Variants in ADAMTS2 observed in about 807,000 individuals in gnomAD.
ADAMTS2 encodes the protein A disintegrin and metalloproteinase with thrombospondin motifs 2.
In ADAMTS2, 50 loss-of-function variants were observed where a neutral mutation model predicts 123.0. The ratio of observed to expected loss-of-function variants is 0.41; its 90% confidence interval spans 0.32 to 0.51. ADAMTS2 has a LOEUF of 0.51. ADAMTS2 is among the 20% of genes least tolerant of loss of function. ADAMTS2 has a pLI of 0.35. For missense variants in ADAMTS2, 1,494 were observed against 1,705.2 expected (o/e 0.88, Z 2.18); for synonymous variants, 678 against 695.4 (o/e 0.98, Z 0.39).
intron 3 of ADAMTS2, among the ~76,000 whole-genome samples, chr5:179,235,382 G>C (rs552857335): frequency 2.6e-5 from 4 of 152,240 alleles, no homozygotes; most frequent in African/African-American, 9.6e-5. Flanking sequence ...GAAATGCTCA[G>C]GGTGTGTGGG....
chr5:179,232,087 AT>A (rs955252835), intron 3 of ADAMTS2, among the ~76,000 whole-genome samples: 2 of 152,234 alleles, frequency 1.3e-5, no homozygotes, highest in Non-Finnish European at 2.9e-5. Flanking sequence ...AATAGAGTGC[AT>A]CTTTTTAAAG....
chr5:179,290,645 G>C (rs2113542901), intron 2 of ADAMTS2, among the ~76,000 whole-genome samples: 1 of 152,308 alleles, frequency 6.6e-6, no homozygotes, highest in South Asian at 2.1e-4. Context: ...TAGATCTAAA[G>C]TTATTTCAAA....
At chr5:179,296,896 C>T (rs549081162) in intron 2 of ADAMTS2, among the ~76,000 whole-genome samples, 3 of 152,264 alleles carry the variant, frequency 2.0e-5, no homozygotes, top group Non-Finnish European at 4.4e-5. Flanking sequence ...TGAGATGGAA[C>T]AAACAAGGCA....
chr5:179,141,714 C>G (rs147260115), intron 10 of ADAMTS2, among the ~76,000 whole-genome samples: 3 of 152,284 alleles, frequency 2.0e-5, no homozygotes, highest in African/African-American at 7.2e-5. Flanking sequence ...TCCAAGCTCC[C>G]GGTCTGAGGC....
intron 2 of ADAMTS2, among the ~76,000 whole-genome samples, chr5:179,283,637 G>A (rs1488728142): frequency 1.3e-5 from 2 of 149,990 alleles, no homozygotes; most frequent in Non-Finnish European, 3.0e-5. Context: ...ATAAATGTAG[G>A]CTGGGCATGA....
intron 2 of ADAMTS2, among the ~76,000 whole-genome samples, chr5:179,321,316 G>A (rs1757166093): frequency 6.6e-6 from 1 of 152,136 alleles, no homozygotes; most frequent in African/African-American, 2.4e-5. Flanking sequence ...CTCCGCAGCT[G>A]ATGTCTGCCC....
intron 4 of ADAMTS2, among the ~76,000 whole-genome samples, chr5:179,200,317 C>T (rs1353221916): frequency 8.2e-5 from 12 of 146,088 alleles, no homozygotes; most frequent in Admixed American, 7.7e-4. Context: ...GGCGTCACCT[C>T]AGCTCACCGC....
chr5:179,304,038 C>T (rs1295241720), intron 2 of ADAMTS2, among the ~76,000 whole-genome samples: 2 of 152,170 alleles, frequency 1.3e-5, no homozygotes, highest in African/African-American at 4.8e-5. Flanking sequence ...TGGGGACTGA[C>T]TTAGGAGGTG....
At chr5:179,217,085 T>C (rs1470237598) in intron 3 of ADAMTS2, among the ~76,000 whole-genome samples, 1 of 152,206 alleles carries the variant, frequency 6.6e-6, no homozygotes, top group African/African-American at 2.4e-5. Context: ...AGCTGCCCCT[T>C]GCAGCATTGC....
rs1372534323 is a variant in ADAMTS2, at chr5:179,272,746, G to C, written c.688+165C>G. ...AGCCCCAGCAGCCCTGCTACGCCCT[G>C]CCGTCAGCCAGGCAGCTGGCCCATT... On this transcript the variant is annotated intron_variant, in intron 3 of 21. Transcript: ENST00000251582. The surrounding 1 kb of genome is among the most constrained non-coding windows in gnomAD (Gnocchi z 5.8). 6.6e-6 allele frequency among the ~76,000 whole-genome samples: 1 copy of C among 152,170 alleles called. No homozygotes were observed. Among genetic ancestry groups the C allele is most frequent in the Non-Finnish European group, 1.5e-5 (1 of 68,026 alleles).
chr5:179,229,230 G>A (rs568232091), intron 3 of ADAMTS2, among the ~76,000 whole-genome samples: 65 of 150,788 alleles, frequency 4.3e-4, no homozygotes, highest in East Asian at 2.0e-3. Context: ...TGACTTGGCC[G>A]TGATCAAAAC....
intron 3 of ADAMTS2, among the ~76,000 whole-genome samples, chr5:179,214,404 T>A (rs1303563885): frequency 6.6e-6 from 1 of 152,188 alleles, no homozygotes; most frequent in African/African-American, 2.4e-5. Flanking sequence ...TACATTCCAC[T>A]CATGGCTCAA....
chr5:179,255,589 G>A (rs1446464773), intron 3 of ADAMTS2, among the ~76,000 whole-genome samples: 5 of 152,112 alleles, frequency 3.3e-5, no homozygotes, highest in Admixed American at 6.5e-5. Context: ...CAATCTTGGG[G>A]TCCCCTCACT....
intron 3 of ADAMTS2, among the ~76,000 whole-genome samples, chr5:179,213,041 C>T (rs1309242377): frequency 6.8e-6 from 1 of 146,416 alleles, no homozygotes; most frequent in African/African-American, 2.5e-5. Context: ...ATGTTCTGCC[C>T]CCATCTGCCT....
At chr5:179,134,672 G>C (rs564699665) in intron 13 of ADAMTS2, among the ~76,000 whole-genome samples, 1 of 152,158 alleles carries the variant, frequency 6.6e-6, no homozygotes, top group African/African-American at 2.4e-5. Context: ...CCAGCCTCCC[G>C]GCCCTGCCGA....
At chr5:179,201,064 T>C (rs904252388) in intron 4 of ADAMTS2, among the ~76,000 whole-genome samples, 2 of 152,210 alleles carry the variant, frequency 1.3e-5, no homozygotes, top group African/African-American at 4.8e-5. Context: ...AAAAAACTTA[T>C]CTCCGTTGTA....
intron 19 of ADAMTS2, among the ~76,000 whole-genome samples, chr5:179,123,602 A>G (rs1417135071): frequency 6.6e-6 from 1 of 151,888 alleles, no homozygotes; most frequent in Non-Finnish European, 1.5e-5. Flanking sequence ...ATTTTTTTTA[A>G]TTTTTTTGTA....
chr5:179,306,689 T>C (rs1756682218), intron 2 of ADAMTS2, among the ~76,000 whole-genome samples: 1 of 152,034 alleles, frequency 6.6e-6, no homozygotes, highest in South Asian at 2.1e-4. Flanking sequence ...AAGGTGGATG[T>C]CCAGGAAGGG....
In ADAMTS2 at chr5:179,126,035, G is replaced by A. The variant is rs760156480; in HGVS notation, c.2713C>T (p.Arg905Cys). Residue 905 changes from arginine (R) to cysteine (C), a missense_variant, in exon 18 of 22, where the codon CGC becomes TGC. Coordinates refer to ENST00000251582, the MANE Select transcript of ADAMTS2 (RefSeq NM_014244.5). ...CAALSKPKAI[R>C]RACNPQECSQ... ...CATTCCTGTGGGTTGCACGCTCTGCGGATGGCTTTGGGCTTCGAGAGGGCG... is the reference window on the plus strand; with the variant it reads ...CATTCCTGTGGGTTGCACGCTCTGCAGATGGCTTTGGGCTTCGAGAGGGCG... 9 of 1,613,342 alleles carry A rather than the reference G, an allele frequency of 5.6e-6. No homozygotes were observed. Among genetic ancestry groups the A allele is most frequent in the Admixed American group, 5.0e-5 (3 of 60,012 alleles).
Sources: gnomAD v4.1 joint callset for allele counts (sites outside exome capture counted in the v4.1 genomes callset) on GRCh38, gnomAD v4.1.1 for gene constraint, Gnocchi (gnomAD v3.1) non-coding constraint, MANE v1.5 for transcripts, NCBI Gene and HGNC (gene_info 2026-07-23, HGNC 2026-07-21) for gene names.